The following ADAMTSL3 variants were observed in gnomAD, a reference collection of about 807,000 sequenced individuals.
The protein encoded by ADAMTSL3 is ADAMTS like 3, also known as ADAMTS-like protein 3.
ADAMTSL3 carries 128 observed loss-of-function variants against 201.7 expected under a neutral mutation model. The observed-to-expected ratio is 0.63, with a 90% CI of 0.55 to 0.73. The LOEUF (loss-of-function observed/expected upper bound fraction) is 0.73. ADAMTSL3 is among the 30% of genes least tolerant of loss of function. The probability of loss-of-function intolerance (pLI) is 0.00; values close to 1 mark genes in which losing one functional copy is unlikely to be tolerated. For synonymous variants in ADAMTSL3, 738 were observed against 748.4 expected, an observed-to-expected ratio of 0.99 and a Z score of 0.23; for missense variants, 1,990 against 2,119.6, an observed-to-expected ratio of 0.94 and a Z score of 1.20.
At chr15:83,704,291 A>C (rs560993934) in intron 2 of ADAMTSL3, 98 bp from the exon 3 acceptor site, 1 of 1,552,532 alleles carries the variant, frequency 6.4e-7, no homozygotes, top group East Asian at 2.2e-5. Flanking sequence ...TGGTACAGCT[A>C]TTAATGGTGG....
intron 28 of ADAMTSL3, among the ~76,000 whole-genome samples, chr15:84,036,437 T>A (rs950585355): frequency 5.3e-5 from 8 of 152,216 alleles, no homozygotes; most frequent in Non-Finnish European, 1.0e-4. Flanking sequence ...TAGTAAATAA[T>A]TCTCTTCCTT....
intron 3 of ADAMTSL3, among the ~76,000 whole-genome samples, chr15:83,755,400 C>T (rs974478903): frequency 3.3e-5 from 5 of 152,138 alleles, no homozygotes; most frequent in African/African-American, 1.2e-4. Flanking sequence ...CTACTGTACC[C>T]ATTAAATAAT....
chr15:83,920,497 GGAT>G (rs2066119280), intron 16 of ADAMTSL3, among the ~76,000 whole-genome samples: 1 of 152,098 alleles, frequency 6.6e-6, no homozygotes, highest in African/African-American at 2.4e-5. Context: ...GGATACCTTT[GGAT>G]CCATAAAATA....
At chr15:83,825,337 G>A (rs972773010) in intron 6 of ADAMTSL3, among the ~76,000 whole-genome samples, 6 of 152,154 alleles carry the variant, frequency 3.9e-5, no homozygotes, top group East Asian at 3.9e-4. Flanking sequence ...TAGGTTGGGC[G>A]CATTGGCTTC....
At chr15:83,921,490 C>A (rs2066142039) in intron 16 of ADAMTSL3, among the ~76,000 whole-genome samples, 1 of 152,018 alleles carries the variant, frequency 6.6e-6, no homozygotes, top group Non-Finnish European at 1.5e-5. Flanking sequence ...AAAATCTCTC[C>A]TGGTATTCTT....
At chr15:83,906,635 C>T (rs1192587599) in intron 15 of ADAMTSL3, among the ~76,000 whole-genome samples, 1 of 27,824 alleles carries the variant, frequency 3.6e-5, no homozygotes, top group Non-Finnish European at 8.9e-5. Flanking sequence ...CACACACACA[C>T]ACACACACAC....
chr15:83,670,491 C>G (rs1328831885), intron 2 of ADAMTSL3, among the ~76,000 whole-genome samples: 1 of 150,428 alleles, frequency 6.6e-6, no homozygotes, highest in Non-Finnish European at 1.5e-5. Context: ...TATATTATGA[C>G]CACACACACA....
chr15:83,965,909 T>G (rs1248034224), intron 19 of ADAMTSL3, among the ~76,000 whole-genome samples: 2 of 152,158 alleles, frequency 1.3e-5, no homozygotes, highest in Non-Finnish European at 2.9e-5. Flanking sequence ...ACATGGAAAC[T>G]GAAGAACCTG....
At chr15:83,839,644 C>G (rs1425505469) in intron 7 of ADAMTSL3, among the ~76,000 whole-genome samples, 1 of 152,090 alleles carries the variant, frequency 6.6e-6, no homozygotes, top group Non-Finnish European at 1.5e-5. Context: ...AGGCCTTGAT[C>G]TAGGGTAGCG....
At chr15:83,994,032 C>A (rs2067631799) in intron 23 of ADAMTSL3, among the ~76,000 whole-genome samples, 1 of 152,220 alleles carries the variant, frequency 6.6e-6, no homozygotes, top group African/African-American at 2.4e-5. Flanking sequence ...GTGTCACGCT[C>A]CTCTTTAGTC....
chr15:83,933,166 T>G (rs2066393401), intron 17 of ADAMTSL3, among the ~76,000 whole-genome samples: 1 of 151,872 alleles, frequency 6.6e-6, no homozygotes, highest in Non-Finnish European at 1.5e-5. Flanking sequence ...ACAGGTAAAA[T>G]GGAAGAGAGA....
chr15:83,820,895 G>A (rs1567166528), intron 6 of ADAMTSL3, among the ~76,000 whole-genome samples: 1 of 152,098 alleles, frequency 6.6e-6, no homozygotes, highest in Non-Finnish European at 1.5e-5. Context: ...GCAACATGGT[G>A]AAACCCCATC....
intron 4 of ADAMTSL3, among the ~76,000 whole-genome samples, chr15:83,788,915 C>G (rs944884688): frequency 6.6e-5 from 10 of 152,044 alleles, no homozygotes; most frequent in African/African-American, 2.4e-4. Flanking sequence ...GTTGAAGCAA[C>G]TCTCCTGCCT....
In ADAMTSL3 at chr15:83,937,232, C is replaced by G. The variant is rs576272173; in HGVS notation, c.2118-5364C>G. Among the ~76,000 whole-genome samples the G allele has an allele frequency of 5.3e-5, 8 of 151,000 alleles. No individual in the cohort carries two copies. In the East Asian group the frequency reaches 1.2e-3, roughly 22 times the overall value. On this transcript the variant is annotated intron_variant, in intron 17 of 29. Coordinates refer to ENST00000286744, the MANE Select transcript of ADAMTSL3 (RefSeq NM_207517.3). Reference sequence around the variant, plus strand: ...CACGTATGTTCACCGCAGCACTATTCACAATAGCAAAGACATGAAATCAAT... The same window carrying G: ...CACGTATGTTCACCGCAGCACTATTGACAATAGCAAAGACATGAAATCAAT...
chr15:83,748,632 A>G (rs377754597), intron 3 of ADAMTSL3, among the ~76,000 whole-genome samples: 1 of 142,224 alleles, frequency 7.0e-6, no homozygotes, highest in East Asian at 2.1e-4. Context: ...CCTGGGTGAC[A>G]GAGCAAGACC....
chr15:83,800,065 T>G (rs1231125710), intron 4 of ADAMTSL3, among the ~76,000 whole-genome samples: 1 of 150,092 alleles, frequency 6.7e-6, no homozygotes, highest in East Asian at 1.9e-4. Context: ...TACTGTGTAT[T>G]AGGTTGGACA....
intron 17 of ADAMTSL3, among the ~76,000 whole-genome samples, chr15:83,937,248 T>C (rs2066477644): frequency 6.6e-6 from 1 of 150,688 alleles, no homozygotes; most frequent in Non-Finnish European, 1.5e-5. Context: ...AGCAAAGACA[T>C]GAAATCAATG....
chr15:83,884,377 A>G (rs867097446), intron 9 of ADAMTSL3, among the ~76,000 whole-genome samples: 34 of 129,434 alleles, frequency 2.6e-4, no homozygotes, highest in African/African-American at 8.8e-4. Flanking sequence ...GTGGTTCAAG[A>G]CATTCTCCCA....
intron 3 of ADAMTSL3, among the ~76,000 whole-genome samples, chr15:83,718,723 G>A (rs1450610205): frequency 4.6e-5 from 7 of 150,902 alleles, no homozygotes; most frequent in African/African-American, 1.5e-4. Context: ...GACAAAATTT[G>A]AGCATCAATA....
Sources: allele counts gnomAD v4.1 joint callset (sites outside exome capture counted in the v4.1 genomes callset), GRCh38; gene constraint gnomAD v4.1.1; transcripts MANE v1.5; gene names NCBI Gene and HGNC (gene_info 2026-07-23, HGNC 2026-07-21).